Variants in B4GALNT2 observed in about 807,000 individuals in gnomAD.
The protein encoded by B4GALNT2 is N-acetylneuraminylgalactosylglucosyl-glucoside beta-1,4-N- acetylgalactosaminyltransferase 2.
In B4GALNT2, 42 loss-of-function variants were observed where a neutral mutation model predicts 51.1. The observed-to-expected ratio is 0.82, with a 90% confidence interval of 0.64 to 1.06. The LOEUF (loss-of-function observed/expected upper bound fraction) is 1.06. Among genes scored for constraint, B4GALNT2 ranks in the 50% least tolerant of loss-of-function variants. The probability of loss-of-function intolerance (pLI) is 0.00; values close to 1 mark genes in which losing one functional copy is unlikely to be tolerated. For synonymous variants in B4GALNT2, 253 were observed against 251.7 expected, an observed-to-expected ratio of 1.01 and a Z score of -0.05; for missense variants, 602 against 633.6, an observed-to-expected ratio of 0.95 and a Z score of 0.54.
chr17:49,157,221 C>T lies in B4GALNT2; in HGVS notation c.498+618C>T, dbSNP rs536847168. ...TGTCACCCAGTCTGGAGTGCAGTGC[C>T]GCAATCATGGCTCACTGCAGGCTTG... is the stretch of plus-strand genomic sequence containing the variant. On this transcript the variant is annotated intron_variant, in intron 5 of 10. Transcript: ENST00000393354. 1.9e-3 allele frequency among the ~76,000 whole-genome samples: 287 copies of T among 152,040 alleles called. 5 individuals are homozygous for T. Among genetic ancestry groups the T allele is most frequent in the Admixed American group, 0.017 (259 of 15,266 alleles).
At chr17:49,152,481 C>A (rs545297349) in intron 3 of B4GALNT2, among the ~76,000 whole-genome samples, 1 of 152,118 alleles carries the variant, frequency 6.6e-6, no homozygotes, top group Non-Finnish European at 1.5e-5. Context: ...CAAGACCAGC[C>A]TAGCTAACAT....
Position 49,159,201 on chromosome 17 carries a change from C to T in B4GALNT2, c.663C>T (p.His221=), listed in dbSNP as rs761289698. ...CATACACCAGCACGGGGTACCAGCA[C>T]CAGAAGGTAGACATAGGTGAGAGCC... ...HVTYTSTGYQ[H]QKVDIVSLES... Residue 221 remains histidine, a synonymous_variant, in exon 6 of 11, where the codon CAC becomes CAT. Transcript: ENST00000393354. The T allele has an allele frequency of 1.9e-6, 3 of 1,614,130 alleles. No homozygotes were observed. The Admixed American group carries it at 5.0e-5, about 27-fold the overall frequency.
At chr17:49,147,745 A>G (rs1273246416) in intron 3 of B4GALNT2, among the ~76,000 whole-genome samples, 2 of 152,044 alleles carry the variant, frequency 1.3e-5, no homozygotes, top group East Asian at 3.9e-4. Context: ...CTTAAATGAT[A>G]GGTTCCCTTG....
intron 7 of B4GALNT2, among the ~76,000 whole-genome samples, chr17:49,162,479 A>G (rs778120285): frequency 2.2e-4 from 33 of 152,328 alleles, no homozygotes; most frequent in Non-Finnish European, 2.4e-4. Context: ...CTCGGGAGGC[A>G]ATTTGGCAGT....
chr17:49,129,267 A>G (rs149605114), upstream of B4GALNT2, among the ~76,000 whole-genome samples: 1,124 of 152,260 alleles, frequency 7.4e-3, 22 homozygotes, highest in African/African-American at 0.026. Context: ...TACCCATTGC[A>G]GGCAGTCAGA....
chr17:49,150,395 C>A (rs2042741360), intron 3 of B4GALNT2, among the ~76,000 whole-genome samples: 1 of 152,120 alleles, frequency 6.6e-6, no homozygotes, highest in Non-Finnish European at 1.5e-5. Context: ...AGCCCCTCTG[C>A]CTGGCCACCA....
At chr17:49,139,579 C>CATTACA (rs1471597415) in intron 1 of B4GALNT2, among the ~76,000 whole-genome samples, 1 of 152,102 alleles carries the variant, frequency 6.6e-6, no homozygotes, top group Non-Finnish European at 1.5e-5. Context: ...TGCAGTAGTG[C>CATTACA]GATCATAGCT....
intron 8 of B4GALNT2, among the ~76,000 whole-genome samples, chr17:49,165,187 A>G (rs1307428547): frequency 6.6e-6 from 1 of 151,946 alleles, no homozygotes; most frequent in Non-Finnish European, 1.5e-5. Context: ...TGACATCTCA[A>G]AGATTCCTGA....
upstream of B4GALNT2, among the ~76,000 whole-genome samples, chr17:49,132,178 A>C (rs1266848505): frequency 6.6e-6 from 1 of 152,104 alleles, no homozygotes; most frequent in Non-Finnish European, 1.5e-5. Context: ...ATACAATATA[A>C]TCATGCGTGA....
the B4GALNT2 span, among the ~76,000 whole-genome samples, chr17:49,121,243 G>A: frequency 2.4e-4 from 36 of 152,242 alleles, no homozygotes; most frequent in African/African-American, 7.9e-4. Context: ...ATAAGACATG[G>A]TCTCATTTCT....
At chr17:49,161,865 A>T (rs930452307) in intron 7 of B4GALNT2, among the ~76,000 whole-genome samples, 5 of 151,686 alleles carry the variant, frequency 3.3e-5, no homozygotes, top group Admixed American at 2.0e-4. Context: ...TCAAAAACAA[A>T]AAAACAAAAA....
intron 1 of B4GALNT2, among the ~76,000 whole-genome samples, chr17:49,136,363 A>G (rs917123547): frequency 1.3e-5 from 2 of 151,834 alleles, no homozygotes; most frequent in African/African-American, 2.4e-5. Flanking sequence ...AGTGCAGATC[A>G]CAATTAAGAA....
intron 3 of B4GALNT2, among the ~76,000 whole-genome samples, chr17:49,152,082 A>T (rs2042762841): frequency 1.3e-5 from 2 of 152,076 alleles, no homozygotes; most frequent in Non-Finnish European, 2.9e-5. Flanking sequence ...TTTTAAAAAA[A>T]ATATGCTTTG....
chr17:49,142,608 C>T (rs538223841), intron 3 of B4GALNT2, among the ~76,000 whole-genome samples: 1 of 152,190 alleles, frequency 6.6e-6, no homozygotes, highest in South Asian at 2.1e-4. Context: ...GAGAGGATCA[C>T]TTGAGCCCAG....
In B4GALNT2 at chr17:49,164,163, G is replaced by A. The variant is rs763008576; in HGVS notation, c.842G>A (p.Arg281Gln). Residue 281 changes from arginine (R) to glutamine (Q), a missense_variant, in exon 8 of 11, where the codon CGG (arginine) becomes CAG (glutamine). By Grantham distance (43) the Arg-to-Gln change is conservative. Transcript: ENST00000393354. ...LRPHKLMIML[R>Q]SIREYYPDLT... ...CCCCACAAGCTCATGATCATGCTCC[G>A]GAGTATTCGAGAGTATTACCCAGAC... The A allele has an allele frequency of 6.8e-6, 11 of 1,613,906 alleles. No individual in the cohort carries two copies. Among genetic ancestry groups the A allele is most frequent in the South Asian group, 6.6e-5 (6 of 91,086 alleles).
At chr17:49,135,485 C>T (rs1315484285) in intron 1 of B4GALNT2, among the ~76,000 whole-genome samples, 1 of 151,690 alleles carries the variant, frequency 6.6e-6, no homozygotes, top group Non-Finnish European at 1.5e-5. Flanking sequence ...GTCTTGATCT[C>T]CTGATCTCAT....
chr17:49,155,983 T>C lies in B4GALNT2; in HGVS notation c.461-583T>C, dbSNP rs1264076749. ...ACCTCGTGATCCGCCCGCCTCGGCC[T>C]CCCAAAGCACTGAGATTACAGGCTT... On this transcript the variant is annotated intron_variant, in intron 4 of 10. Transcript: ENST00000393354. 5.9e-5 allele frequency among the ~76,000 whole-genome samples: 9 copies of C among 152,202 alleles called. No individual in the cohort carries two copies. The South Asian group carries it at 1.9e-3, about 32-fold the overall frequency.
intron 6 of B4GALNT2, 135 bp from the exon 7 acceptor site, chr17:49,160,420 G>A (rs930404854): frequency 2.5e-6 from 2 of 806,520 alleles, no homozygotes; most frequent in African/African-American, 3.3e-5. Flanking sequence ...AGACTCTATG[G>A]GGTCCTTGAT....
intron 7 of B4GALNT2, among the ~76,000 whole-genome samples, chr17:49,162,051 G>A (rs548659960): frequency 3.8e-4 from 57 of 151,538 alleles, no homozygotes; most frequent in African/African-American, 1.3e-3. Context: ...GCAGTGGCAC[G>A]ATCTCCGCTC....
Sources: gnomAD v4.1 joint callset for allele counts (sites outside exome capture counted in the v4.1 genomes callset) on GRCh38, gnomAD v4.1.1 for gene constraint, MANE v1.5 for transcripts, NCBI Gene and HGNC (gene_info 2026-07-23, HGNC 2026-07-21) for gene names.